The following MAF variants were observed in gnomAD, a reference collection of about 807,000 sequenced individuals.
The protein encoded by MAF is MAF bZIP transcription factor.
Under a neutral mutation model 22.0 loss-of-function variants are expected in MAF, and 10 were observed. That is an observed-to-expected ratio of 0.45 (90% CI 0.28 to 0.77). The LOEUF is 0.77. Among genes scored for constraint, MAF ranks in the 30% least tolerant of loss-of-function variants. MAF has a pLI of 0.12. For missense variants in MAF, 544 were observed against 548.4 expected (o/e 0.99, Z 0.08); for synonymous variants, 337 against 255.8 (o/e 1.32, Z -3.03).
At chr16:79,431,790 T>C in the MAF span, among the ~76,000 whole-genome samples, 1 of 152,220 alleles carries the variant, frequency 6.6e-6, no homozygotes, top group East Asian at 1.9e-4. Context: ...CTGGTACTAG[T>C]TCTTGTGGAA....
the MAF span, among the ~76,000 whole-genome samples, chr16:79,473,430 C>A: frequency 6.6e-6 from 1 of 152,202 alleles, no homozygotes; most frequent in Non-Finnish European, 1.5e-5. Flanking sequence ...AGGAAGGACA[C>A]AATCATAGCC....
chr16:79,480,756 C>A, the MAF span, among the ~76,000 whole-genome samples: 8 of 152,118 alleles, frequency 5.3e-5, no homozygotes, highest in African/African-American at 1.7e-4. Context: ...CAGCAAAAGA[C>A]AGACATGGAA....
the MAF span, among the ~76,000 whole-genome samples, chr16:79,346,514 C>A: frequency 2.6e-5 from 4 of 151,896 alleles, no homozygotes; most frequent in Non-Finnish European, 4.4e-5. Context: ...GAAAAAAAAA[C>A]CTTTCTCTTT....
At chr16:79,284,900 C>T in the MAF span, among the ~76,000 whole-genome samples, 60 of 152,268 alleles carry the variant, frequency 3.9e-4, no homozygotes, top group African/African-American at 1.3e-3. Context: ...AATCAGCTCT[C>T]CCCCCAGCCA....
the MAF span, among the ~76,000 whole-genome samples, chr16:79,495,649 G>A: frequency 1.6e-4 from 24 of 152,228 alleles, no homozygotes; most frequent in African/African-American, 3.4e-4. Context: ...TGCCTGCCGC[G>A]ACTGTTAAAA....
chr16:79,345,317 T>C, the MAF span, among the ~76,000 whole-genome samples: 1 of 152,322 alleles, frequency 6.6e-6, no homozygotes. Flanking sequence ...TTTTGTTTAA[T>C]CCTCATTTCA....
At chr16:79,336,783 G>A in the MAF span, among the ~76,000 whole-genome samples, 15 of 152,310 alleles carry the variant, frequency 9.8e-5, no homozygotes, top group African/African-American at 3.6e-4. Flanking sequence ...GTAATTTGGT[G>A]AGGATTTTTC....
chr16:79,290,771 G>A, the MAF span, among the ~76,000 whole-genome samples: 2 of 151,996 alleles, frequency 1.3e-5, no homozygotes, highest in East Asian at 1.9e-4. Context: ...CCAACTCCCA[G>A]GGCGAATTTG....
At chr16:79,418,613 A>AAAGC in the MAF span, among the ~76,000 whole-genome samples, 13 of 152,198 alleles carry the variant, frequency 8.5e-5, no homozygotes, top group African/African-American at 2.9e-4. Flanking sequence ...CTAGGTATGG[A>AAAGC]AAGCAGTTCT....
chr16:79,336,087 C>A, the MAF span, among the ~76,000 whole-genome samples: 1 of 152,200 alleles, frequency 6.6e-6, no homozygotes, highest in Non-Finnish European at 1.5e-5. Context: ...AAATCTCTCA[C>A]CCTTTCCCCA....
At chr16:79,509,388 G>A in the MAF span, among the ~76,000 whole-genome samples, 1 of 152,214 alleles carries the variant, frequency 6.6e-6, no homozygotes, top group Admixed American at 6.5e-5. Flanking sequence ...TCCAGTCCTG[G>A]GAGGAGAAGC....
the MAF span, among the ~76,000 whole-genome samples, chr16:79,466,475 G>C: frequency 1.3e-5 from 2 of 152,110 alleles, no homozygotes; most frequent in Non-Finnish European, 1.5e-5. Flanking sequence ...TAGCAGTCCT[G>C]GGATTAAATA....
the MAF span, among the ~76,000 whole-genome samples, chr16:79,387,379 C>G: frequency 6.6e-6 from 1 of 152,164 alleles, no homozygotes; most frequent in Non-Finnish European, 1.5e-5. Flanking sequence ...TCCTTACTAG[C>G]TAGATGGAAA....
At chr16:79,428,049 G>A in the MAF span, among the ~76,000 whole-genome samples, 9 of 135,618 alleles carry the variant, frequency 6.6e-5, no homozygotes, top group East Asian at 2.4e-4. Flanking sequence ...CCGAGATCGC[G>A]CCACTGCACT....
chr16:79,480,891 C>G, the MAF span, among the ~76,000 whole-genome samples: 1 of 152,178 alleles, frequency 6.6e-6, no homozygotes, highest in Non-Finnish European at 1.5e-5. Flanking sequence ...TTCAAAACTG[C>G]AAGCCAGAGA....
At chr16:79,210,744 G>T in the MAF span, among the ~76,000 whole-genome samples, 1 of 152,086 alleles carries the variant, frequency 6.6e-6, no homozygotes, top group South Asian at 2.1e-4. Flanking sequence ...GTGATTTCTT[G>T]CCCTCTTTAT....
the MAF span, among the ~76,000 whole-genome samples, chr16:79,246,982 C>G: frequency 6.6e-6 from 1 of 152,112 alleles, no homozygotes; most frequent in Non-Finnish European, 1.5e-5. Flanking sequence ...ACCAAACAAA[C>G]AAAAAATAAA....
At chr16:79,330,945 C>G in the MAF span, among the ~76,000 whole-genome samples, 35,231 of 152,140 alleles carry the variant, frequency 0.23, 4,428 homozygotes, top group Middle Eastern at 0.32. Context: ...TATTGCAAAC[C>G]CCGGACATGA....
chr16:79,517,181 C>T, the MAF span, among the ~76,000 whole-genome samples: 1 of 152,132 alleles, frequency 6.6e-6, no homozygotes, highest in African/African-American at 2.4e-5. Flanking sequence ...ATCTTCATTC[C>T]TTGGCTCTGA....
Sources: gnomAD v4.1 joint callset for allele counts (sites outside exome capture counted in the v4.1 genomes callset) on GRCh38, gnomAD v4.1.1 for gene constraint, MANE v1.5 for transcripts, NCBI Gene and HGNC (gene_info 2026-07-23, HGNC 2026-07-21) for gene names.